The following ASAH1 variants were observed in gnomAD, a reference collection of about 807,000 sequenced individuals.
ASAH1 encodes the protein acid ceramidase.
ASAH1 carries 70 observed loss-of-function variants against 59.5 expected under a neutral mutation model. The ratio of observed to expected loss-of-function variants is 1.18; its 90% CI spans 0.97 to 1.43. The LOEUF is 1.43. Among genes scored for constraint, ASAH1 ranks in the 40% most tolerant of loss-of-function variants. The pLI is 0.00. For missense variants in ASAH1, 660 were observed against 482.5 expected (o/e 1.37, Z -3.45); for synonymous variants, 213 against 166.5 (o/e 1.28, Z -2.15).
chr8:18,082,437 G>A (rs1800691998), intron 1 of ASAH1: 1 of 152,058 alleles, frequency 6.6e-6, no homozygotes, highest in South Asian at 2.1e-4. Flanking sequence ...AGATACCTAC[G>A]TCGGATAAGA....
In ASAH1 at chr8:18,057,350, A is replaced by T. The variant is rs574114; in HGVS notation, c.*184T>A. ...AAGTTATCTGTAAATAAGAAAAATC[A>T]ACTGATAGGGGGAAAAAAAAAAGAT... On this transcript the variant is annotated 3_prime_UTR_variant, in exon 14 of 14. Transcript: ENST00000637790. 0.073 allele frequency: 30,558 copies of T among 419,432 alleles called. 1,568 individuals are homozygous for T. Among genetic ancestry groups the T allele is most frequent in the African/African-American group, 0.18 (8,575 of 48,850 alleles). The allele number at this position is 419,432 out of a possible 1,614,324, so 26.0% of individuals were successfully genotyped here. A position where few individuals can be genotyped will look rare whatever the true frequency, so the allele number is the denominator to read the frequency against.
chr8:18,058,638 T>A (rs1799564709), intron 13 of ASAH1, 197 bp downstream of exon 13: 2 of 605,350 alleles, frequency 3.3e-6, no homozygotes, highest in South Asian at 4.0e-5. Context: ...TTCTGACCTA[T>A]CAAGCCTCAG....
At chr8:18,072,818 C>A (rs1800228584) in intron 2 of ASAH1, among the ~76,000 whole-genome samples, 1 of 152,116 alleles carries the variant, frequency 6.6e-6, no homozygotes, top group South Asian at 2.1e-4. Context: ...TGTCTAGTAG[C>A]AAAGATAACT....
intron 10 of ASAH1, chr8:18,060,104 A>G (rs1485592674): frequency 4.8e-6 from 1 of 208,612 alleles, no homozygotes; most frequent in African/African-American, 2.4e-5. Context: ...TAGAACGGAA[A>G]TGTTTAGCTC....
chr8:18,064,369 C>T lies in ASAH1; in HGVS notation c.457+88G>A, dbSNP rs1285978241. On this transcript the variant is annotated intron_variant, in intron 6 of 13. Coordinates refer to ENST00000637790, the MANE Select transcript of ASAH1 (RefSeq NM_177924.5). Reference sequence around the variant, plus strand: ...ACATACACAGAATTTACATAGCAAGCCCAAATTTCAGAAGTTCTAATTTCA... The same window carrying T: ...ACATACACAGAATTTACATAGCAAGTCCAAATTTCAGAAGTTCTAATTTCA... 4.8e-6 allele frequency: 5 copies of T among 1,049,798 alleles called. No individual in the cohort carries two copies. In the South Asian group the frequency reaches 5.5e-5, roughly 11 times the overall value. 65.0% of individuals were successfully genotyped at this position (1,049,798 alleles called of 1,614,324 possible). A position where few individuals can be genotyped will look rare whatever the true frequency, so the allele number is the denominator to read the frequency against.
At chr8:18,082,591 C>T (rs1398361081) in intron 1 of ASAH1, 1 of 152,226 alleles carries the variant, frequency 6.6e-6, no homozygotes, top group Non-Finnish European at 1.5e-5. Context: ...TCCTTCTTTA[C>T]TCAGTCAGAA....
At chr8:18,084,502 T>C, upstream of ASAH1, 4 of 1,341,108 alleles carry the variant, frequency 3.0e-6, no homozygotes, top group Non-Finnish European at 4.0e-6. Context: ...CCAAAGAGTC[T>C]CAACACTAAT....
chr8:18,060,592 A>G (rs148297488), intron 10 of ASAH1: 2 of 152,426 alleles, frequency 1.3e-5, no homozygotes, highest in African/African-American at 4.8e-5. Context: ...TACTAACATT[A>G]AATCTTATTC....
chr8:18,077,256 C>A (rs547409890), intron 1 of ASAH1, among the ~76,000 whole-genome samples: 1 of 152,280 alleles, frequency 6.6e-6, no homozygotes, highest in Non-Finnish European at 1.5e-5. Flanking sequence ...ATATTTTCCA[C>A]AAAATATCTG....
At chr8:18,065,894 G>A (rs1353937074) in intron 5 of ASAH1, 1 of 150,688 alleles carries the variant, frequency 6.6e-6, no homozygotes, top group Non-Finnish European at 1.5e-5. Flanking sequence ...GTGTGTGTGT[G>A]TGTGTGTGTG....
intron 8 of ASAH1, chr8:18,062,033 T>C: frequency 3.2e-6 from 2 of 622,718 alleles, no homozygotes; most frequent in Non-Finnish European, 5.6e-6. Flanking sequence ...AGAAATCAGA[T>C]TGTGACTCCC....
At position 18,062,865 on chromosome 8, in the gene ASAH1, GTTCTTT is replaced by G. The variant is rs1188553611; in HGVS notation, c.503+314_503+319del. 6.1e-4 allele frequency: 173 copies of G among 282,212 alleles called. 1 individual carries two copies. The highest frequency in any genetic ancestry group is 2.4e-3 in the Middle Eastern group (2 of 818). The allele number at this position is 282,212 out of a possible 1,614,324, so 17.5% of individuals were successfully genotyped here. ...TTCCTACAGACCAAAACAGTTCTGT[GTTCTTT>G]TTTTTTTTTTTTTTTTTGAGATGGA... On this transcript the variant is annotated intron_variant, in intron 7 of 13. Coordinates refer to ENST00000637790, the MANE Select transcript of ASAH1 (RefSeq NM_177924.5).
upstream of ASAH1, chr8:18,084,828 G>T (rs185583340): frequency 1.2e-6 from 2 of 1,611,488 alleles, no homozygotes; most frequent in Middle Eastern, 1.7e-4. Flanking sequence ...CTCCTAACTG[G>T]CGAAGGACTC....
intron 5 of ASAH1, chr8:18,066,422 C>CAAAAAAAAAAAAAAAAAAAAA (rs35999931): frequency 3.1e-5 from 4 of 127,338 alleles, no homozygotes; most frequent in East Asian, 2.2e-4. Context: ...CAAAGAAAAC[C>CAAAAAAAAAAAAAAAAAAAAA]AAAAAAAAAA....
chr8:18,061,093 C>T (rs1588976531), intron 10 of ASAH1: 1 of 328,300 alleles, frequency 3.0e-6, no homozygotes, highest in Admixed American at 4.2e-5. Flanking sequence ...TATGACTGTT[C>T]TTTTGTGTGT....
rs115789248 is a variant in ASAH1, at chr8:18,059,208, C to T, written c.1041+133G>A. On this transcript the variant is annotated intron_variant, in intron 12 of 13. Transcript: ENST00000637790. ...AGTTAAGAAAACGAAACAAAAAAAT[C>T]AGTGGAGAGTGGCTAGAGATACTAT... 1,831 of 1,415,428 alleles carry T rather than the reference C, an allele frequency of 1.3e-3. 24 individuals carry two copies. In the African/African-American group the frequency reaches 0.024, roughly 19 times the overall value. 87.7% of individuals were successfully genotyped at this position (1,415,428 alleles called of 1,614,324 possible).
At position 18,057,149 on chromosome 8, in the gene ASAH1, G is replaced by A. The variant is rs1484624268; in HGVS notation, c.*385C>T. ...GTAGAAGTGAAAAACTGAAGAATGT[G>A]GAGTGTTTACTGTCCCGTTACTCAC... On this transcript the variant is annotated 3_prime_UTR_variant, in exon 14 of 14. Coordinates refer to ENST00000637790, the MANE Select transcript of ASAH1 (RefSeq NM_177924.5). 1 of 199,832 alleles carries A rather than the reference G, an allele frequency of 5.0e-6. No homozygotes were observed. The highest frequency in any genetic ancestry group is 1.1e-5 in the Non-Finnish European group (1 of 94,804). The allele number at this position is 199,832 out of a possible 1,614,324, so 12.4% of individuals were successfully genotyped here.
At chr8:18,069,523 G>A in intron 4 of ASAH1, 1 of 374,960 alleles carries the variant, frequency 2.7e-6, no homozygotes, top group Admixed American at 4.3e-5. Flanking sequence ...ATAAAGGGAA[G>A]GAAATACCAC....
chr8:18,067,116 A>ATCTAAGACATACAGCACCTGTGCTGTAT, intron 5 of ASAH1, 104 bp downstream of exon 5: 1 of 519,384 alleles, frequency 1.9e-6, no homozygotes, highest in Non-Finnish European at 2.7e-6. Flanking sequence ...TGTGCTGTAT[A>ATCTAAGACATACAGCACCTGTGCTGTAT]TCTAAGACAT....
Sources: allele counts gnomAD v4.1 joint callset (sites outside exome capture counted in the v4.1 genomes callset), GRCh38; gene constraint gnomAD v4.1.1; transcripts MANE v1.5; gene names NCBI Gene and HGNC (gene_info 2026-07-23, HGNC 2026-07-21).